The following SOX6 variants were observed in gnomAD, a reference collection of about 807,000 sequenced individuals.
The protein encoded by SOX6 is SRY-box transcription factor 6.
In SOX6, 11 loss-of-function variants were observed where a neutral mutation model predicts 97.8. The ratio of observed to expected loss-of-function variants is 0.11; its 90% confidence interval spans 0.07 to 0.19. The LOEUF (loss-of-function observed/expected upper bound fraction) is 0.19. Among genes scored for constraint, SOX6 ranks in the 10% least tolerant of loss-of-function variants. The pLI is 1.00. For synonymous variants in SOX6, 360 were observed against 371.4 expected (o/e 0.97, Z 0.35); for missense variants, 810 against 1,039.5 (o/e 0.78, Z 3.04).
chr11:16,659,225 G>A (rs1343772501), intron 3 of SOX6, among the ~76,000 whole-genome samples: 5 of 152,154 alleles, frequency 3.3e-5, no homozygotes, highest in Non-Finnish European at 7.4e-5. Context: ...GAAAGTATAA[G>A]GTCGGTATCT....
At chr11:16,589,205 C>T (rs187009043) in intron 4 of SOX6, among the ~76,000 whole-genome samples, 1 of 152,246 alleles carries the variant, frequency 6.6e-6, no homozygotes, top group African/African-American at 2.4e-5. Context: ...CATGCCCTCA[C>T]CTCTCTTTCC....
upstream of SOX6, among the ~76,000 whole-genome samples, chr11:16,477,410 T>C (rs909682196): frequency 2.6e-5 from 4 of 152,318 alleles, no homozygotes; most frequent in Middle Eastern, 3.4e-3. Context: ...CTTGCAATTA[T>C]AGCACAAATG....
intron 1 of SOX6, among the ~76,000 whole-genome samples, chr11:16,387,946 C>T (rs1368379160): frequency 6.6e-6 from 1 of 151,974 alleles, no homozygotes; most frequent in African/African-American, 2.4e-5. Flanking sequence ...TCTTGTCTTG[C>T]CTCATTCTAA....
chr11:16,692,599 T>C (rs945615245), intron 3 of SOX6, among the ~76,000 whole-genome samples: 14 of 152,198 alleles, frequency 9.2e-5, no homozygotes, highest in Admixed American at 2.6e-4. Flanking sequence ...TGAACTTGAA[T>C]ATCCAGCTTG....
At chr11:16,556,917 A>T (rs1444394948) in intron 4 of SOX6, among the ~76,000 whole-genome samples, 2 of 151,754 alleles carry the variant, frequency 1.3e-5, no homozygotes, top group Non-Finnish European at 3.0e-5. Context: ...GAAATTTCTG[A>T]CTTTATAATC....
In SOX6 at chr11:16,382,789, G is replaced by A. The variant is rs188442386; in HGVS notation, c.-4-41537C>T. On this transcript the variant is annotated intron_variant, in intron 1 of 15. Transcript: ENST00000396356. ...AAAATGAAGTTAGAGAGTTCAATGT[G>A]GAATCATTGTCAACTCCAGGGTAGT... 2.2e-4 allele frequency among the ~76,000 whole-genome samples: 34 copies of A among 151,958 alleles called. 1 individual carries two copies. Among genetic ancestry groups the A allele is most frequent in the Admixed American group, 2.2e-3 (34 of 15,244 alleles).
chr11:16,224,141 T>G (rs564110891), intron 4 of SOX6, among the ~76,000 whole-genome samples: 1 of 152,170 alleles, frequency 6.6e-6, no homozygotes, highest in South Asian at 2.1e-4. Flanking sequence ...ATTTTATAAT[T>G]GAAATTTTTG....
chr11:16,089,683 T>G (rs528592895), intron 9 of SOX6, among the ~76,000 whole-genome samples: 1 of 152,082 alleles, frequency 6.6e-6, no homozygotes, highest in Non-Finnish European at 1.5e-5. Flanking sequence ...AGAACAGTAA[T>G]AGCTATGTGC....
At chr11:16,096,759 T>G (rs958400434) in intron 8 of SOX6, among the ~76,000 whole-genome samples, 2 of 151,924 alleles carry the variant, frequency 1.3e-5, no homozygotes, top group African/African-American at 4.8e-5. Context: ...ATAGTATATT[T>G]TAAGAATAAA....
intron 1 of SOX6, among the ~76,000 whole-genome samples, chr11:16,453,082 T>C (rs1859750549): frequency 6.6e-6 from 1 of 152,140 alleles, no homozygotes; most frequent in Non-Finnish European, 1.5e-5. Flanking sequence ...AAAACGCAAT[T>C]TTTATTCCCA....
chr11:16,269,743 T>A (rs1203426376), intron 3 of SOX6, among the ~76,000 whole-genome samples: 1 of 151,212 alleles, frequency 6.6e-6, no homozygotes, highest in Non-Finnish European at 1.5e-5. Context: ...ATCCTCTAAT[T>A]GGCTGTGCTA....
At chr11:16,702,945 T>C (rs1848105863) in intron 3 of SOX6, among the ~76,000 whole-genome samples, 1 of 149,612 alleles carries the variant, frequency 6.7e-6, no homozygotes, top group Non-Finnish European at 1.5e-5. Flanking sequence ...ATCCTTCATA[T>C]GTATATATAT....
intron 15 of SOX6, among the ~76,000 whole-genome samples, chr11:15,983,501 T>C (rs1853735125): frequency 6.6e-6 from 1 of 152,144 alleles, no homozygotes; most frequent in Non-Finnish European, 1.5e-5. Flanking sequence ...TCTGAACCCA[T>C]TCCATCAAAA....
At chr11:16,689,216 C>T (rs1358387759) in intron 3 of SOX6, among the ~76,000 whole-genome samples, 1 of 152,180 alleles carries the variant, frequency 6.6e-6, no homozygotes, top group African/African-American at 2.4e-5. Context: ...GTACCCTTTG[C>T]AGATCTCTGG....
intron 15 of SOX6, among the ~76,000 whole-genome samples, chr11:15,981,668 A>G (rs1221275339): frequency 1.3e-5 from 2 of 152,116 alleles, no homozygotes; most frequent in African/African-American, 4.8e-5. Context: ...TGGCTAATCT[A>G]TGCTAATGTA....
At chr11:16,040,490 G>A (rs908281606) in intron 12 of SOX6, among the ~76,000 whole-genome samples, 2 of 151,864 alleles carry the variant, frequency 1.3e-5, no homozygotes, top group African/African-American at 2.4e-5. Flanking sequence ...AACTTACCTT[G>A]CTTTTCTCTA....
chr11:16,710,646 T>C (rs997188526), intron 3 of SOX6, among the ~76,000 whole-genome samples: 3 of 152,194 alleles, frequency 2.0e-5, no homozygotes, highest in Non-Finnish European at 2.9e-5. Context: ...TTACAAGTTA[T>C]AGGGTTTCTC....
chr11:16,359,976 T>C (rs1012268508), upstream of SOX6, among the ~76,000 whole-genome samples: 14 of 152,112 alleles, frequency 9.2e-5, no homozygotes, highest in Admixed American at 1.3e-4. Context: ...ACAAAGTAAA[T>C]GAGAGAGAAG....
At chr11:16,464,201 C>G (rs539450295) in intron 1 of SOX6, among the ~76,000 whole-genome samples, 1 of 152,142 alleles carries the variant, frequency 6.6e-6, no homozygotes, top group Non-Finnish European at 1.5e-5. Context: ...CCAATAAAGA[C>G]TATAATTTCT....
Sources: gnomAD v4.1 joint callset for allele counts (sites outside exome capture counted in the v4.1 genomes callset) on GRCh38, gnomAD v4.1.1 for gene constraint, MANE v1.5 for transcripts, NCBI Gene and HGNC (gene_info 2026-07-23, HGNC 2026-07-21) for gene names.